IFT140: variants seen among roughly 807,000 people sequenced by gnomAD.
IFT140 encodes the protein intraflagellar transport 140.
In IFT140, 133 loss-of-function variants were observed where a neutral mutation model predicts 164.6. The ratio of observed to expected loss-of-function variants is 0.81; its 90% CI spans 0.70 to 0.93. The LOEUF is 0.93. Ranked by LOEUF, IFT140 falls within the 40% of genes least tolerant of loss-of-function variation. The probability of loss-of-function intolerance (pLI) is 0.00; values close to 1 mark genes in which losing one functional copy is unlikely to be tolerated. For synonymous variants in IFT140, 860 were observed against 817.3 expected, an observed-to-expected ratio of 1.05 and a Z score of -0.89; for missense variants, 2,045 against 1,972.3, an observed-to-expected ratio of 1.04 and a Z score of -0.70.
chr16:1,571,090 G>T (rs959340044), intron 14 of IFT140, among the ~76,000 whole-genome samples: 1 of 152,084 alleles, frequency 6.6e-6, no homozygotes, highest in Non-Finnish European at 1.5e-5. Flanking sequence ...ATACATTAAG[G>T]TTCACACTTT....
chr16:1,523,061 A>T (rs1293290442), intron 26 of IFT140, among the ~76,000 whole-genome samples: 1 of 151,794 alleles, frequency 6.6e-6, no homozygotes, highest in East Asian at 1.9e-4. Flanking sequence ...AGTCTATGAA[A>T]AAAAATTTAA....
At chr16:1,522,285 A>T (rs2040548090) in intron 26 of IFT140, among the ~76,000 whole-genome samples, 1 of 152,146 alleles carries the variant, frequency 6.6e-6, no homozygotes, top group Non-Finnish European at 1.5e-5. Context: ...TGAACCCGGG[A>T]GGCTGAGGTT....
At chr16:1,513,451 C>T (rs1218860914) in intron 30 of IFT140, among the ~76,000 whole-genome samples, 1 of 151,826 alleles carries the variant, frequency 6.6e-6, no homozygotes, top group African/African-American at 2.4e-5. Context: ...CAGTGAGCCA[C>T]GATCATGCCA....
At chr16:1,524,198 G>A in intron 24 of IFT140, 1 of 624,840 alleles carries the variant, frequency 1.6e-6, no homozygotes, top group East Asian at 2.8e-5. Context: ...AGATGCTTCT[G>A]GAAGCGAGAG....
At chr16:1,610,433 T>C (rs2142142494) in intron 2 of IFT140, 1 of 154,804 alleles carries the variant, frequency 6.5e-6, no homozygotes, top group South Asian at 2.0e-4. Flanking sequence ...CAGCCGCGAT[T>C]CGAGGCCGGG....
intron 24 of IFT140, 31 bp from the exon 25 acceptor site, chr16:1,523,987 G>A: frequency 6.2e-7 from 1 of 1,600,724 alleles, no homozygotes; most frequent in Non-Finnish European, 8.5e-7. Context: ...CCCTGAAGCG[G>A]CTCCCACTGG....
In IFT140 at chr16:1,516,139, C is replaced by CAAAAAAAAAAAAAAAAAAAAAAAAA. The variant is rs869165237; in HGVS notation, c.4182+2052_4182+2076dup. Among the ~76,000 whole-genome samples, 14 of 46,020 alleles carry CAAAAAAAAAAAAAAAAAAAAAAAAA rather than the reference C, an allele frequency of 3.0e-4. 2 individuals are homozygous for CAAAAAAAAAAAAAAAAAAAAAAAAA. Among genetic ancestry groups the CAAAAAAAAAAAAAAAAAAAAAAAAA allele is most frequent in the South Asian group, 1.1e-3 (1 of 922 alleles). The allele number at this position is 46,020 out of a possible 152,430, so 30.2% of individuals were successfully genotyped here. On this transcript the variant is annotated intron_variant, in intron 30 of 30. Coordinates refer to ENST00000426508, the MANE Select transcript of IFT140 (RefSeq NM_014714.4). ...GGCTACAAAGAGCAAAACTCTGTCT[C>CAAAAAAAAAAAAAAAAAAAAAAAAA]AAAAAAAAAAAAAAAAAAAAAAAAA... is the stretch of plus-strand genomic sequence containing the variant.
At chr16:1,609,920 A>G (rs2036253921) in intron 2 of IFT140, 1 of 152,278 alleles carries the variant, frequency 6.6e-6, no homozygotes, top group South Asian at 2.1e-4. Context: ...ACTTTGGGGA[A>G]CAGGAGAAAA....
chr16:1,569,003 G>GTT (rs58205807), intron 14 of IFT140, among the ~76,000 whole-genome samples: 53 of 126,268 alleles, frequency 4.2e-4, no homozygotes, highest in Non-Finnish European at 5.4e-4. Flanking sequence ...GTGGTAGCTT[G>GTT]TTTTTTTTTT....
chr16:1,591,268 C>T (rs1332892564), intron 6 of IFT140, among the ~76,000 whole-genome samples: 2 of 152,160 alleles, frequency 1.3e-5, no homozygotes, highest in African/African-American at 4.8e-5. Flanking sequence ...TCCTGGGGGG[C>T]CCCATCCTGG....
At chr16:1,592,027 C>T in intron 6 of IFT140, 149 bp downstream of exon 6, 1 of 815,764 alleles carries the variant, frequency 1.2e-6, no homozygotes, top group Non-Finnish European at 1.9e-6. Context: ...GTGGCTGCGG[C>T]ACTCCGCCTG....
At position 1,602,562 on chromosome 16, in the gene IFT140, C is replaced by G. The variant is rs1431384802; in HGVS notation, c.177G>C (p.Glu59Asp). The G allele has an allele frequency of 3.1e-6, 5 of 1,613,516 alleles. No individual in the cohort carries two copies. Among genetic ancestry groups the G allele is most frequent in the Non-Finnish European group, 4.2e-6 (5 of 1,180,040 alleles). Residue 59 changes from glutamate (E) to aspartate (D), a missense_variant, in exon 4 of 31, where the codon GAG becomes GAC. Glu to Asp is a conservative substitution (Grantham distance 45). Coordinates refer to ENST00000426508, the MANE Select transcript of IFT140 (RefSeq NM_014714.4). Reference sequence around the variant, plus strand: ...ACAGGGAAGCAACCCGGAACGGCCTCTCGACGTGTGTATCTGGCACGCACT... The same window carrying G: ...ACAGGGAAGCAACCCGGAACGGCCTGTCGACGTGTGTATCTGGCACGCACT... Reference protein sequence around the residue: ...QGECVPDTHVERPFRVASLCW... With the variant: ...QGECVPDTHVDRPFRVASLCW...
chr16:1,528,980 C>G (rs2030139740), intron 19 of IFT140, among the ~76,000 whole-genome samples: 1 of 152,182 alleles, frequency 6.6e-6, no homozygotes, highest in African/African-American at 2.4e-5. Flanking sequence ...AGGGCAATGG[C>G]TCCGAGATGG....
intron 13 of IFT140, chr16:1,579,244 T>C (rs2034431681): frequency 6.6e-6 from 1 of 151,990 alleles, no homozygotes; most frequent in Non-Finnish European, 1.5e-5. Flanking sequence ...ATTATCGAGC[T>C]CTTCATCCTC....
At chr16:1,548,388 G>C (rs1249435202) in intron 19 of IFT140, among the ~76,000 whole-genome samples, 1 of 152,240 alleles carries the variant, frequency 6.6e-6, no homozygotes, top group Non-Finnish European at 1.5e-5. Context: ...GCCGCAGGAA[G>C]GAAAGGAGAG....
chr16:1,557,601 G>T (rs1596361380), intron 19 of IFT140: 1 of 258,072 alleles, frequency 3.9e-6, no homozygotes, highest in East Asian at 8.3e-5. Context: ...GTTTCCACCT[G>T]GCTGTTTTTA....
chr16:1,566,744 G>A (rs1346313291), intron 15 of IFT140, among the ~76,000 whole-genome samples: 1 of 151,940 alleles, frequency 6.6e-6, no homozygotes, highest in Admixed American at 6.6e-5. Flanking sequence ...TGGCACCTCC[G>A]GGACCCTGTG....
rs1400334908 is a variant in IFT140, at chr16:1,554,719, G to A, written c.2399+3216C>T. On this transcript the variant is annotated intron_variant, in intron 19 of 30. Transcript: ENST00000426508. ...GGAACCTGCTCTAGGACAGAGGGCT[G>A]GGGAAGGAGTGGAACCCGCCTTCCT... is the stretch of plus-strand genomic sequence containing the variant. The A allele has an allele frequency of 8.2e-6, 13 of 1,591,362 alleles. No individual in the cohort carries two copies. The South Asian group carries it at 1.3e-4, about 16-fold the overall frequency.
rs1359012365 is a variant in IFT140 at position 1,531,641 on chromosome 16, T to G, written c.2400-4845A>C. On this transcript the variant is annotated intron_variant, in intron 19 of 30. Transcript: ENST00000426508. The surrounding 1 kb of genome is among the most constrained non-coding windows in gnomAD (Gnocchi z 4.7). Reference sequence around the variant, plus strand: ...CAGATCCTCCCAGGAGGGTCGCTCTTAACTTACATGCTGCTCCCAGGCCTT... The same window carrying G: ...CAGATCCTCCCAGGAGGGTCGCTCTGAACTTACATGCTGCTCCCAGGCCTT... 6.6e-6 allele frequency: 1 copy of G among 151,852 alleles called. No individual in the cohort carries two copies. The highest frequency in any genetic ancestry group is 2.4e-5 in the African/African-American group (1 of 41,288). 9.4% of individuals were successfully genotyped at this position (151,852 alleles called of 1,614,324 possible).
Sources: allele counts gnomAD v4.1 joint callset (sites outside exome capture counted in the v4.1 genomes callset), GRCh38; gene constraint gnomAD v4.1.1; non-coding constraint Gnocchi (gnomAD v3.1); transcripts MANE v1.5; gene names NCBI Gene and HGNC (gene_info 2026-07-23, HGNC 2026-07-21).